Variants in PKNOX2 observed in about 807,000 individuals in gnomAD.
The protein encoded by PKNOX2 is PBX/knotted 1 homeobox 2.
A neutral mutation model predicts 53.1 loss-of-function variants in PKNOX2; 14 were observed. The observed-to-expected ratio is 0.26, with a 90% confidence interval of 0.17 to 0.41. The LOEUF is 0.41. Ranked by LOEUF, PKNOX2 falls within the 10% of genes least tolerant of loss-of-function variation. The pLI is 1.00. For missense variants in PKNOX2, 496 were observed against 602.8 expected, an observed-to-expected ratio of 0.82 and a Z score of 1.85; for synonymous variants, 257 against 242.8, an observed-to-expected ratio of 1.06 and a Z score of -0.54.
In PKNOX2 at chr11:125,362,132, G is replaced by A. The variant is rs964090931; in HGVS notation, c.88-5714G>A. On this transcript the variant is annotated intron_variant, in intron 4 of 12. Transcript: ENST00000298282. ...ATGGAGACTTAGAACACATGCAGAG[G>A]GGGGTGAAGTTTCATTCTAATTGGA... 2.1e-5 allele frequency among the ~76,000 whole-genome samples: 3 copies of A among 140,406 alleles called. No homozygotes were observed. The South Asian group carries it at 6.2e-4, about 29-fold the overall frequency. The allele number at this position is 140,406 out of a possible 152,430, so 92.1% of individuals were successfully genotyped here.
chr11:125,205,029 T>C (rs1218702024), intron 1 of PKNOX2, among the ~76,000 whole-genome samples: 1 of 152,262 alleles, frequency 6.6e-6, no homozygotes, highest in Non-Finnish European at 1.5e-5. Flanking sequence ...GGACTCTTGC[T>C]GTTGCTGCTG....
Position 125,212,597 on chromosome 11 carries a change from G to A in PKNOX2, c.-200-22448G>A, listed in dbSNP as rs1321290149. Among the ~76,000 whole-genome samples, 7 of 151,426 alleles carry A rather than the reference G, an allele frequency of 4.6e-5. No individual in the cohort carries two copies. The South Asian group carries it at 8.4e-4, about 18-fold the overall frequency. ...ATTCTTAAAGAGCCTGTCAGAGCTC[G>A]GTGTTGCCAGGGGACTACACTGAAC... On this transcript the variant is annotated intron_variant, in intron 1 of 12. Coordinates refer to ENST00000298282, the MANE Select transcript of PKNOX2 (RefSeq NM_001382323.2).
Position 125,165,318 on chromosome 11 carries a change from G to A in PKNOX2, c.-201+542G>A, listed in dbSNP as rs1222407670. 6.6e-6 allele frequency among the ~76,000 whole-genome samples: 1 copy of A among 152,130 alleles called. No individual in the cohort carries two copies. Among genetic ancestry groups the A allele is most frequent in the Admixed American group, 6.5e-5 (1 of 15,284 alleles). ...GCCAGGGGACCCGAGAATAGGAACA[G>A]GCACGCCGGCCCGAGCCCGGGTGCA... On this transcript the variant is annotated intron_variant, in intron 1 of 12. Coordinates refer to ENST00000298282, the MANE Select transcript of PKNOX2 (RefSeq NM_001382323.2). This position sits in a 1 kb window ranked among gnomAD's most constrained non-coding sequence, Gnocchi z 4.5.
chr11:125,234,045 C>T (rs988364139), intron 1 of PKNOX2, among the ~76,000 whole-genome samples: 1 of 152,188 alleles, frequency 6.6e-6, no homozygotes, highest in Non-Finnish European at 1.5e-5. Context: ...TGCCTTTCTG[C>T]CCCTTGGCCC....
At chr11:125,309,219 T>A in intron 2 of PKNOX2, among the ~76,000 whole-genome samples, 1 of 149,564 alleles carries the variant, frequency 6.7e-6, no homozygotes, top group African/African-American at 2.5e-5. Context: ...CCTTTCTCTC[T>A]CTCTTTCTTC....
chr11:125,291,071 T>C (rs899425068), intron 2 of PKNOX2, among the ~76,000 whole-genome samples: 8 of 152,204 alleles, frequency 5.3e-5, no homozygotes, highest in Admixed American at 4.6e-4. Context: ...TCCCACTTCT[T>C]GCCCTGAGCT....
intron 1 of PKNOX2, among the ~76,000 whole-genome samples, chr11:125,198,950 C>A (rs973360379): frequency 1.3e-5 from 2 of 151,842 alleles, no homozygotes; most frequent in African/African-American, 4.8e-5. Flanking sequence ...AAGCTATTCT[C>A]CTGTCTCAGC....
At chr11:125,430,225 A>G (rs1956633163) in intron 12 of PKNOX2, 84 bp downstream of exon 12, 1 of 1,482,724 alleles carries the variant, frequency 6.7e-7, no homozygotes, top group East Asian at 2.4e-5. Flanking sequence ...CAAAGATTCA[A>G]GGGCTATCTC....
At chr11:125,178,569 G>GGAAGGAAGGAAGGAAAGAAA (rs1565462243) in intron 1 of PKNOX2, among the ~76,000 whole-genome samples, 8 of 46,340 alleles carry the variant, frequency 1.7e-4, no homozygotes, top group African/African-American at 1.2e-3. Context: ...AAGGAACGAA[G>GGAAGGAAGGAAGGAAAGAAA]GAAGGAAGGA....
intron 5 of PKNOX2, among the ~76,000 whole-genome samples, chr11:125,382,228 C>A (rs1250417161): frequency 6.6e-6 from 1 of 152,224 alleles, no homozygotes; most frequent in Non-Finnish European, 1.5e-5. Flanking sequence ...CACAACACTG[C>A]GTGTGCACAC....
chr11:125,360,585 G>C (rs73618188), intron 4 of PKNOX2, among the ~76,000 whole-genome samples: 12,355 of 152,164 alleles, frequency 0.081, 1,631 homozygotes, highest in African/African-American at 0.27. Flanking sequence ...ACCAGGGGCC[G>C]CCTGTTCCTG....
At chr11:125,299,304 G>A (rs567328222) in intron 2 of PKNOX2, among the ~76,000 whole-genome samples, 1 of 152,292 alleles carries the variant, frequency 6.6e-6, no homozygotes, top group South Asian at 2.1e-4. Flanking sequence ...TCACATTTCA[G>A]CATGAGATTT....
At chr11:125,319,374 C>T (rs1422725621) in intron 2 of PKNOX2, among the ~76,000 whole-genome samples, 1 of 152,164 alleles carries the variant, frequency 6.6e-6, no homozygotes, top group African/African-American at 2.4e-5. Context: ...CAAAACGTGA[C>T]ACACAGACAT....
At chr11:125,261,567 C>T (rs1273121079) in intron 2 of PKNOX2, among the ~76,000 whole-genome samples, 2 of 152,238 alleles carry the variant, frequency 1.3e-5, no homozygotes, top group African/African-American at 4.8e-5. Context: ...CACCACCACA[C>T]TCCCAGTGGT....
At chr11:125,323,061 A>G (rs1354179782) in intron 2 of PKNOX2, among the ~76,000 whole-genome samples, 1 of 152,150 alleles carries the variant, frequency 6.6e-6, no homozygotes, top group African/African-American at 2.4e-5. Context: ...TCCTAACCTC[A>G]CTTTGCAGAT....
At chr11:125,196,387 T>C (rs1034479502) in intron 1 of PKNOX2, among the ~76,000 whole-genome samples, 1 of 152,206 alleles carries the variant, frequency 6.6e-6, no homozygotes, top group Non-Finnish European at 1.5e-5. Flanking sequence ...AAACAAGGCC[T>C]GAGCCCGGGA....
At chr11:125,204,060 G>C (rs1938775964) in intron 1 of PKNOX2, among the ~76,000 whole-genome samples, 1 of 152,182 alleles carries the variant, frequency 6.6e-6, no homozygotes, top group South Asian at 2.1e-4. Flanking sequence ...GGGAGGCAGG[G>C]AGAGAGGTTC....
chr11:125,345,559 C>T (rs1950924286), intron 3 of PKNOX2, among the ~76,000 whole-genome samples: 1 of 152,084 alleles, frequency 6.6e-6, no homozygotes, highest in African/African-American at 2.4e-5. Context: ...TGTGTGTGCT[C>T]GCGTGCACCC....
chr11:125,294,374 C>T (rs1203025720), intron 2 of PKNOX2, among the ~76,000 whole-genome samples: 1 of 151,956 alleles, frequency 6.6e-6, no homozygotes, highest in Non-Finnish European at 1.5e-5. Flanking sequence ...AGCTAGGTGG[C>T]CAGAAGAGAG....
Sources: gnomAD v4.1 joint callset for allele counts (sites outside exome capture counted in the v4.1 genomes callset) on GRCh38, gnomAD v4.1.1 for gene constraint, Gnocchi (gnomAD v3.1) non-coding constraint, MANE v1.5 for transcripts, NCBI Gene and HGNC (gene_info 2026-07-23, HGNC 2026-07-21) for gene names.